Variants in LAMA2 observed in about 807,000 individuals in gnomAD.
LAMA2 encodes the protein laminin subunit alpha-2.
In LAMA2, 269 loss-of-function variants were observed where a neutral mutation model predicts 364.8. That is an observed-to-expected ratio of 0.74 (90% CI 0.67 to 0.82). The LOEUF is 0.82. Ranked by LOEUF, LAMA2 falls within the 40% of genes least tolerant of loss-of-function variation. The pLI, the probability that LAMA2 is intolerant of heterozygous loss-of-function variation, is 0.00. For synonymous variants in LAMA2, 1,379 were observed against 1,370.6 expected (o/e 1.01, Z -0.14); for missense variants, 3,807 against 3,873.2 (o/e 0.98, Z 0.45).
intron 17 of LAMA2, among the ~76,000 whole-genome samples, chr6:129,275,934 A>G (rs1315646338): frequency 1.3e-5 from 2 of 152,064 alleles, no homozygotes; most frequent in Non-Finnish European, 2.9e-5. Context: ...AAGAAATGCA[A>G]TTGTGGAGAT....
intron 1 of LAMA2, among the ~76,000 whole-genome samples, chr6:129,008,121 C>T (rs1001120466): frequency 7.2e-5 from 11 of 152,118 alleles, no homozygotes; most frequent in African/African-American, 1.9e-4. Flanking sequence ...AATGACAACA[C>T]GCTTATTTTG....
intron 1 of LAMA2, among the ~76,000 whole-genome samples, chr6:128,915,015 C>G (rs1778224803): frequency 6.6e-6 from 1 of 152,096 alleles, no homozygotes; most frequent in Admixed American, 6.6e-5. Flanking sequence ...AGACAATTAG[C>G]CAGACCTATT....
Position 129,512,417 on chromosome 6 carries a change from C to T in LAMA2, c.8912C>T (p.Thr2971Ile). 6.2e-7 allele frequency: 1 copy of T among 1,613,282 alleles called. No homozygotes were observed. Among genetic ancestry groups the T allele is most frequent in the African/African-American group, 1.3e-5 (1 of 75,002 alleles). The change falls in exon 63 of 65, where the codon ACT becomes ATT. Residue 2971 changes from threonine (T) to isoleucine (I), a missense_variant. Transcript: ENST00000421865. ...DLLVEFEFRTTTTTGVLLGIS... is the reference protein window; with the variant it reads ...DLLVEFEFRTITTTGVLLGIS... The stretch of plus-strand genomic sequence containing the variant: ...CTTGTAGAATTTGAATTCCGCACAA[C>T]TACAACGACTGGAGTTCTTCTGGGG...
At chr6:128,917,691 T>C (rs1343738442) in intron 1 of LAMA2, among the ~76,000 whole-genome samples, 1 of 134,716 alleles carries the variant, frequency 7.4e-6, no homozygotes, top group Non-Finnish European at 1.5e-5. Flanking sequence ...CTATTATCTG[T>C]CCTTTTTCTT....
chr6:129,027,839 T>C (rs1785938615), intron 1 of LAMA2, among the ~76,000 whole-genome samples: 1 of 151,826 alleles, frequency 6.6e-6, no homozygotes, highest in Admixed American at 6.6e-5. Context: ...TATTAAGAGA[T>C]AAAATTATAA....
chr6:129,375,116 A>T (rs1207244524), intron 34 of LAMA2, among the ~76,000 whole-genome samples: 1 of 152,126 alleles, frequency 6.6e-6, no homozygotes, highest in Non-Finnish European at 1.5e-5. Context: ...CCAAGAACTC[A>T]TATTTAAAAT....
chr6:128,958,255 A>G (rs1781274808), intron 1 of LAMA2, among the ~76,000 whole-genome samples: 3 of 152,208 alleles, frequency 2.0e-5, no homozygotes, highest in Middle Eastern at 3.4e-3. Flanking sequence ...ACATTGTTCT[A>G]TGAAATCCAA....
In LAMA2 at chr6:129,206,106, G is replaced by GAGGAAGGAAGGA. The variant is rs71028149; in HGVS notation, c.1782+13303_1782+13314dup. On this transcript the variant is annotated intron_variant, in intron 12 of 64. Coordinates refer to ENST00000421865, the MANE Select transcript of LAMA2 (RefSeq NM_000426.4). ...GGAGGAAGGAAGGGAGGGAGGGAGG[G>GAGGAAGGAAGGA]AGGAAGGAAGGAAGGAAGGAAGGAA... is the stretch of plus-strand genomic sequence containing the variant. 4.1e-3 allele frequency among the ~76,000 whole-genome samples: 389 copies of GAGGAAGGAAGGA among 94,608 alleles called. 1 individual carries two copies. Among genetic ancestry groups the GAGGAAGGAAGGA allele is most frequent in the Middle Eastern group, 5.6e-3 (1 of 180 alleles). The allele number at this position is 94,608 out of a possible 152,430, so 62.1% of individuals were successfully genotyped here. A position where few individuals can be genotyped will look rare whatever the true frequency, so the allele number is the denominator to read the frequency against.
chr6:129,155,533 TA>T (rs1490252915), intron 8 of LAMA2, among the ~76,000 whole-genome samples: 2 of 152,130 alleles, frequency 1.3e-5, no homozygotes, highest in African/African-American at 4.8e-5. Context: ...AAAGTCTAAA[TA>T]TTTTTTTATC....
rs1787088618 is a variant in LAMA2 at position 129,516,438 on chromosome 6, A to T, written c.*91A>T. ...TATTTTACCTATATATGTTAATTAA[A>T]CTAATTTGTGCATGTACATAGAATT... On this transcript the variant is annotated 3_prime_UTR_variant, in exon 65 of 65. Coordinates refer to ENST00000421865, the MANE Select transcript of LAMA2 (RefSeq NM_000426.4). The T allele has an allele frequency of 7.7e-7, 1 of 1,292,348 alleles. No individual in the cohort carries two copies. The highest frequency in any genetic ancestry group is 1.3e-5 in the South Asian group (1 of 78,890). 80.1% of individuals were successfully genotyped at this position (1,292,348 alleles called of 1,614,324 possible).
chr6:129,373,099 TGAG>T (rs1778179872), intron 34 of LAMA2, among the ~76,000 whole-genome samples: 1 of 152,204 alleles, frequency 6.6e-6, no homozygotes, highest in African/African-American at 2.4e-5. Context: ...CTTGTTCTCT[TGAG>T]AAGTGTCTTT....
chr6:129,341,927 G>A (rs931631530), intron 29 of LAMA2, among the ~76,000 whole-genome samples: 2 of 152,212 alleles, frequency 1.3e-5, no homozygotes, highest in Non-Finnish European at 2.9e-5. Flanking sequence ...CATGTGCCAA[G>A]GCCACAGTAT....
intron 22 of LAMA2, among the ~76,000 whole-genome samples, chr6:129,311,372 C>T (rs866695412): frequency 9.2e-5 from 14 of 152,254 alleles, no homozygotes; most frequent in South Asian, 8.3e-4. Flanking sequence ...CCGCCCTCCT[C>T]GGCCTCCCAA....
intron 17 of LAMA2, 141 bp downstream of exon 17, chr6:129,270,892 A>AT (rs1477863315): frequency 3.2e-6 from 3 of 938,246 alleles, no homozygotes; most frequent in Non-Finnish European, 4.9e-6. Context: ...AATTATATGA[A>AT]TTTTTTCAAA....
At chr6:129,407,628 G>C (rs1051800617) in intron 40 of LAMA2, among the ~76,000 whole-genome samples, 2 of 152,200 alleles carry the variant, frequency 1.3e-5, no homozygotes, top group Admixed American at 6.5e-5. Context: ...AGCTGGTATT[G>C]ATGACTACCT....
At chr6:129,298,448 T>A (rs1029871014) in intron 21 of LAMA2, among the ~76,000 whole-genome samples, 16 of 152,186 alleles carry the variant, frequency 1.1e-4, no homozygotes, top group African/African-American at 3.1e-4. Flanking sequence ...AGTATTCTTA[T>A]ACATCCAGCC....
At chr6:129,029,772 A>G (rs1294525125) in intron 1 of LAMA2, among the ~76,000 whole-genome samples, 1 of 152,068 alleles carries the variant, frequency 6.6e-6, no homozygotes, top group Admixed American at 6.6e-5. Flanking sequence ...AGTGGTAGCA[A>G]GCTATTTTTG....
chr6:129,364,173 A>C (rs1411997354), intron 32 of LAMA2, among the ~76,000 whole-genome samples: 1 of 152,182 alleles, frequency 6.6e-6, no homozygotes, highest in Non-Finnish European at 1.5e-5. Flanking sequence ...AGGGCAGTTT[A>C]ATCCCTGTGA....
chr6:129,392,538 G>C (rs1356009381), intron 36 of LAMA2, among the ~76,000 whole-genome samples: 2 of 152,138 alleles, frequency 1.3e-5, no homozygotes, highest in African/African-American at 2.4e-5. Context: ...AACTAGGTAA[G>C]TTAAATCCAA....
Sources: allele counts gnomAD v4.1 joint callset (sites outside exome capture counted in the v4.1 genomes callset), GRCh38; gene constraint gnomAD v4.1.1; transcripts MANE v1.5; gene names NCBI Gene and HGNC (gene_info 2026-07-23, HGNC 2026-07-21).